The following ATP6V0D1 variants were observed in gnomAD, a reference collection of about 807,000 sequenced individuals.
The protein encoded by ATP6V0D1 is ATPase H+ transporting V0 subunit d1.
In ATP6V0D1, 13 loss-of-function variants were observed where a neutral mutation model predicts 39.0. The observed-to-expected ratio is 0.33, with a 90% CI of 0.22 to 0.53. The LOEUF is 0.53. Among genes scored for constraint, ATP6V0D1 ranks in the 20% least tolerant of loss-of-function variants. ATP6V0D1 has a pLI of 0.94. For synonymous variants in ATP6V0D1, 191 were observed against 191.2 expected, an observed-to-expected ratio of 1.00 and a Z score of 0.01; for missense variants, 272 against 470.9, an observed-to-expected ratio of 0.58 and a Z score of 3.91.
At chr16:67,462,166 C>T (rs1334436577) in intron 1 of ATP6V0D1, among the ~76,000 whole-genome samples, 1 of 152,196 alleles carries the variant, frequency 6.6e-6, no homozygotes, top group African/African-American at 2.4e-5. Flanking sequence ...CCACCCAGGC[C>T]TGAAGGCTCC....
At position 67,444,735 on chromosome 16, in the gene ATP6V0D1, C is replaced by T; in HGVS notation, c.303-29G>A. 3.9e-6 allele frequency: 6 copies of T among 1,555,686 alleles called. No individual in the cohort carries two copies. Among genetic ancestry groups the T allele is most frequent in the South Asian group, 2.3e-5 (2 of 85,144 alleles). The stretch of plus-strand genomic sequence containing the variant: ...CAGGGGGCAGGCAATAGCAAGGAGC[C>T]CATCAAGGTGGGGGCCGGGAAGTCC... On this transcript the variant is annotated intron_variant, in intron 2 of 7. Coordinates refer to ENST00000290949, the MANE Select transcript of ATP6V0D1 (RefSeq NM_004691.5). The surrounding 1 kb of genome is among the most constrained non-coding windows in gnomAD (Gnocchi z 4.8).
chr16:67,467,519 C>A (rs1057012763), intron 1 of ATP6V0D1, among the ~76,000 whole-genome samples: 1 of 151,994 alleles, frequency 6.6e-6, no homozygotes, highest in Non-Finnish European at 1.5e-5. Context: ...AAAAAAAGAG[C>A]TGTCACTCAT....
intron 1 of ATP6V0D1, among the ~76,000 whole-genome samples, chr16:67,476,840 AG>A (rs1567543742): frequency 3.3e-5 from 5 of 152,072 alleles, no homozygotes; most frequent in Non-Finnish European, 5.9e-5. Flanking sequence ...GTTCCAGACC[AG>A]CCTGGGCAAC....
At chr16:67,476,284 T>C (rs2041414190) in intron 1 of ATP6V0D1, among the ~76,000 whole-genome samples, 1 of 149,846 alleles carries the variant, frequency 6.7e-6, no homozygotes, top group Admixed American at 6.6e-5. Context: ...CAGGGTTATA[T>C]AAAAAAGACT....
intron 1 of ATP6V0D1, among the ~76,000 whole-genome samples, chr16:67,476,891 A>G (rs2041418959): frequency 6.6e-6 from 1 of 151,858 alleles, no homozygotes; most frequent in Non-Finnish European, 1.5e-5. Context: ...CCAAAAAATT[A>G]GCCAGGTGGC....
intron 1 of ATP6V0D1, among the ~76,000 whole-genome samples, chr16:67,461,270 A>G (rs1008533934): frequency 6.6e-6 from 1 of 152,216 alleles, no homozygotes; most frequent in Non-Finnish European, 1.5e-5. Context: ...GACCTTGTGC[A>G]GCATGAGCAT....
intron 3 of ATP6V0D1, chr16:67,443,382 C>T (rs919908918): frequency 1.6e-5 from 9 of 553,134 alleles, no homozygotes; most frequent in Non-Finnish European, 2.6e-5. Flanking sequence ...CTCCTGCCTC[C>T]TTGCTCCTAA....
chr16:67,480,778 C>T (rs113969730), intron 1 of ATP6V0D1, among the ~76,000 whole-genome samples, 179 bp downstream of exon 1: 165 of 152,318 alleles, frequency 1.1e-3, no homozygotes, highest in Middle Eastern at 3.4e-3. Flanking sequence ...TGAGTTTGGG[C>T]CCGCGCCGAG....
rs539688046 is a variant in ATP6V0D1, at chr16:67,439,064, A to G, written c.723T>C (p.Phe241=). The change falls in exon 6 of 8, where the codon TTT becomes TTC. Residue 241 remains phenylalanine (F), a synonymous_variant. Transcript: ENST00000290949. The part of the protein sequence containing the change: ...ELSKEDRAKL[F]PHCGRLYPEG... Reference sequence around the variant, plus strand: ...CAGGGTAGAGCCGCCCACAGTGTGGAAAGAGCTTGGCACGGTCCTCTTTGG... The same window carrying G: ...CAGGGTAGAGCCGCCCACAGTGTGGGAAGAGCTTGGCACGGTCCTCTTTGG... 1.0e-4 allele frequency: 162 copies of G among 1,614,240 alleles called. No homozygotes were observed. Among genetic ancestry groups the G allele is most frequent in the Non-Finnish European group, 1.3e-4 (158 of 1,180,038 alleles).
In ATP6V0D1 at chr16:67,444,238, C is replaced by T. The variant is rs1397709675; in HGVS notation, c.481+290G>A. Among the ~76,000 whole-genome samples, 1 of 152,212 alleles carries T rather than the reference C, an allele frequency of 6.6e-6. No individual in the cohort carries two copies. The highest frequency in any genetic ancestry group is 1.5e-5 in the Non-Finnish European group (1 of 68,028). ...GGCCTCTCTCACTCTTCTCCATGAG[C>T]TCAGCCCTCCTCTGCACTCTGGGAG... On this transcript the variant is annotated intron_variant, in intron 3 of 7. Transcript: ENST00000290949. The surrounding 1 kb of genome is among the most constrained non-coding windows in gnomAD (Gnocchi z 4.8).
intron 1 of ATP6V0D1, among the ~76,000 whole-genome samples, chr16:67,461,307 A>G (rs1199265778): frequency 6.6e-6 from 1 of 152,204 alleles, no homozygotes; most frequent in Admixed American, 6.5e-5. Flanking sequence ...CTCCTGGGGA[A>G]AGAGAAACAG....
At chr16:67,479,735 C>T (rs1197890886) in intron 1 of ATP6V0D1, among the ~76,000 whole-genome samples, 30 of 152,296 alleles carry the variant, frequency 2.0e-4, no homozygotes, top group Non-Finnish European at 3.7e-4. Context: ...CACCCAGCTA[C>T]CAATTACGAG....
chr16:67,459,252 G>A, intron 1 of ATP6V0D1: 1 of 985,562 alleles, frequency 1.0e-6, no homozygotes, highest in Non-Finnish European at 1.2e-6. Flanking sequence ...GGCCCATAGA[G>A]AGGCTGGGTT....
chr16:67,438,824 T>G lies in ATP6V0D1; in HGVS notation c.863A>C (p.Lys288Thr). 6.2e-7 allele frequency: 1 copy of G among 1,613,870 alleles called. No homozygotes were observed. Among genetic ancestry groups the G allele is most frequent in the Non-Finnish European group, 8.5e-7 (1 of 1,179,978 alleles). The stretch of plus-strand genomic sequence containing the variant: ...CTCAAAGAATCGGTCCTCCAGCGTC[T>G]TGTCTCCAGGGTTGCTACCTGCACC... ...FEGAGSNPGD[K>T]TLEDRFFEHE... The change falls in exon 7 of 8, where the codon AAG becomes ACG. Residue 288 changes from lysine (K) to threonine (T), a missense_variant. This residue lies in a region of ATP6V0D1 where 21 missense variants were observed against 16.5 expected (regional missense o/e 1.27). Transcript: ENST00000290949.
rs1284214784 is a variant in ATP6V0D1, at chr16:67,476,042, T to G, written c.130+4915A>C. Among the ~76,000 whole-genome samples the G allele has an allele frequency of 2.6e-5, 4 of 152,132 alleles. No individual in the cohort carries two copies. In the East Asian group the frequency reaches 7.7e-4, roughly 29 times the overall value. ...GTCAGGAGTTCAAGACCAGCCTGGCTAACATGGTGTAACCCCATCTCTACT... is the reference window on the plus strand; with the variant it reads ...GTCAGGAGTTCAAGACCAGCCTGGCGAACATGGTGTAACCCCATCTCTACT... On this transcript the variant is annotated intron_variant, in intron 1 of 7. Coordinates refer to ENST00000290949, the MANE Select transcript of ATP6V0D1 (RefSeq NM_004691.5).
chr16:67,444,780 C>CG lies in ATP6V0D1; in HGVS notation c.303-75dup, dbSNP rs1233678986. On this transcript the variant is annotated intron_variant, in intron 2 of 7. Transcript: ENST00000290949. The surrounding 1 kb of genome is among the most constrained non-coding windows in gnomAD (Gnocchi z 4.8). ...AAGTCCTGGCATAGCACCATGCCCT[C>CG]GCCCGCCTGCACAGGCCATCACCCC... 4 of 1,372,182 alleles carry CG rather than the reference C, an allele frequency of 2.9e-6. No individual in the cohort carries two copies. The highest frequency in any genetic ancestry group is 3.9e-6 in the Non-Finnish European group (4 of 1,019,322). 85.0% of individuals were successfully genotyped at this position (1,372,182 alleles called of 1,614,324 possible). A position where few individuals can be genotyped will look rare whatever the true frequency, so the allele number is the denominator to read the frequency against.
At chr16:67,441,505 CCT>C (rs1216382501) in intron 4 of ATP6V0D1, 1 of 152,292 alleles carries the variant, frequency 6.6e-6, no homozygotes, top group Non-Finnish European at 1.5e-5. Context: ...CACCCCTCAC[CCT>C]GTCTCAGGGC....
intron 2 of ATP6V0D1, among the ~76,000 whole-genome samples, chr16:67,451,589 T>A (rs1413062534): frequency 2.6e-5 from 4 of 151,978 alleles, no homozygotes; most frequent in African/African-American, 7.3e-5. Context: ...AAGGAGCAGG[T>A]CATTGGAGAT....
intron 1 of ATP6V0D1, among the ~76,000 whole-genome samples, chr16:67,473,304 T>C (rs571430137): frequency 1.3e-5 from 2 of 152,232 alleles, no homozygotes; most frequent in South Asian, 4.1e-4. Context: ...CAATTCATGG[T>C]TTTAAGCATA....
Sources: allele counts gnomAD v4.1 joint callset (sites outside exome capture counted in the v4.1 genomes callset), GRCh38; gene constraint gnomAD v4.1.1; regional missense constraint gnomAD v4.1.1; non-coding constraint Gnocchi (gnomAD v3.1); transcripts MANE v1.5; gene names NCBI Gene and HGNC (gene_info 2026-07-23, HGNC 2026-07-21).